Variants in KCNQ4 observed in about 807,000 individuals in gnomAD.
KCNQ4 encodes the protein potassium voltage-gated channel subfamily Q member 4, also known as potassium voltage-gated channel subfamily KQT member 4.
A neutral mutation model predicts 72.6 loss-of-function variants in KCNQ4; 31 were observed. The observed-to-expected ratio is 0.43, with a 90% CI of 0.32 to 0.58. KCNQ4 has a LOEUF of 0.58. Among genes scored for constraint, KCNQ4 ranks in the 20% least tolerant of loss-of-function variants. The probability of loss-of-function intolerance (pLI) is 0.08; values close to 1 mark genes in which losing one functional copy is unlikely to be tolerated. For missense variants in KCNQ4, 869 were observed against 962.6 expected (o/e 0.90, Z 1.29); for synonymous variants, 405 against 403.7 (o/e 1.00, Z -0.04).
chr1:40,791,774 A>G (rs1191835784), intron 1 of KCNQ4, among the ~76,000 whole-genome samples: 2 of 152,196 alleles, frequency 1.3e-5, no homozygotes, highest in Non-Finnish European at 2.9e-5. Context: ...ACTGGAGGAA[A>G]GCTCACTGGA....
At chr1:40,816,249 T>C (rs555647286) in intron 1 of KCNQ4, among the ~76,000 whole-genome samples, 20 of 152,230 alleles carry the variant, frequency 1.3e-4, no homozygotes, top group African/African-American at 3.9e-4. Context: ...CTCCAGGGTG[T>C]GTGCATGTTC....
intron 1 of KCNQ4, among the ~76,000 whole-genome samples, chr1:40,793,688 A>G (rs1237485256): frequency 1.3e-5 from 2 of 152,096 alleles, no homozygotes; most frequent in African/African-American, 2.4e-5. Context: ...TCACCTAAGA[A>G]ATGACTTACA....
chr1:40,819,170 TGCTGGCGG>T (rs1648199653), intron 4 of KCNQ4, among the ~76,000 whole-genome samples, 169 bp from the exon 5 acceptor site: 1 of 134,894 alleles, frequency 7.4e-6, no homozygotes, highest in African/African-American at 2.8e-5. Flanking sequence ...GTAGGGGGAG[TGCTGGCGG>T]TTTCGCGAAG....
chr1:40,837,715 A>G lies in KCNQ4; in HGVS notation c.1796A>G (p.Lys599Arg), dbSNP rs1462010485. 6.2e-7 allele frequency: 1 copy of G among 1,613,412 alleles called. No individual in the cohort carries two copies. The highest frequency in any genetic ancestry group is 8.5e-7 in the Non-Finnish European group (1 of 1,179,792). ...RGPGDRKAREKGDKGPSDAEV... is the reference protein window; with the variant it reads ...RGPGDRKARERGDKGPSDAEV... ...CCCGGGGACAGGAAGGCCCGGGAGA[A>G]GGGCGACAAGGGGCCCTCCGACGCG... The change falls in exon 13 of 14, where the codon AAG becomes AGG. Residue 599 changes from lysine to arginine, a missense_variant. This residue lies in a region of KCNQ4 where 480 missense variants were observed against 501.9 expected (regional missense o/e 0.96). Coordinates refer to ENST00000347132, the MANE Select transcript of KCNQ4 (RefSeq NM_004700.4).
At chr1:40,832,195 C>G (rs1648671548) in intron 10 of KCNQ4, among the ~76,000 whole-genome samples, 1 of 152,216 alleles carries the variant, frequency 6.6e-6, no homozygotes, top group Non-Finnish European at 1.5e-5. Flanking sequence ...CTTTAGGCCC[C>G]TGGGTGGGGA....
rs1353222298 is a variant in KCNQ4 at position 40,818,592 on chromosome 1, G to A, written c.620G>A (p.Arg207His). ...IFATSALRSM[R>H]FLQILRMVRM... ...GCCACGTCCGCGCTGCGCAGCATGC[G>A]CTTCCTGCAGATCCTGCGCATGGTG... is the stretch of plus-strand genomic sequence containing the variant. Residue 207 changes from arginine to histidine, a missense_variant, in exon 4 of 14, where the codon CGC (arginine) becomes CAC (histidine). Arg to His is a conservative substitution (Grantham distance 29). Around this residue, in one of 5 missense-constraint regions of KCNQ4, gnomAD observed 179 missense variants for 243.0 expected, o/e 0.74. Coordinates refer to ENST00000347132, the MANE Select transcript of KCNQ4 (RefSeq NM_004700.4). The A allele has an allele frequency of 6.2e-7, 1 of 1,606,416 alleles. No homozygotes were observed. Among genetic ancestry groups the A allele is most frequent in the South Asian group, 1.1e-5 (1 of 91,056 alleles).
intron 8 of KCNQ4, 85 bp from the exon 9 acceptor site, chr1:40,824,012 A>C: frequency 6.8e-7 from 1 of 1,478,384 alleles, no homozygotes; most frequent in Non-Finnish European, 9.2e-7. Flanking sequence ...ACCTGGCAAG[A>C]TCTGAGCTCA....
chr1:40,794,794 C>T lies in KCNQ4; in HGVS notation c.314+10387C>T, dbSNP rs1038009549. On this transcript the variant is annotated intron_variant, in intron 1 of 13. Transcript: ENST00000347132. The surrounding 1 kb of genome is among the most constrained non-coding windows in gnomAD (Gnocchi z 4.2). The stretch of plus-strand genomic sequence containing the variant: ...CCCAAAGTGTTTTTGGAAATTTTAC[C>T]GGTGGTGCGTGAAATCCCTGAGTCT... Among the ~76,000 whole-genome samples the T allele has an allele frequency of 4.6e-5, 7 of 152,100 alleles. No homozygotes were observed. The highest frequency in any genetic ancestry group is 4.1e-4 in the South Asian group (2 of 4,830).
At chr1:40,806,016 T>C (rs1321612916) in intron 1 of KCNQ4, among the ~76,000 whole-genome samples, 2 of 152,172 alleles carry the variant, frequency 1.3e-5, no homozygotes, top group African/African-American at 4.8e-5. Flanking sequence ...TAAGTTTTTG[T>C]ATTTTTAGTA....
At chr1:40,796,610 T>C (rs1400966384) in intron 1 of KCNQ4, among the ~76,000 whole-genome samples, 1 of 152,064 alleles carries the variant, frequency 6.6e-6, no homozygotes, top group East Asian at 1.9e-4. Flanking sequence ...TTAGGAGAAG[T>C]TGAGCCTTAA....
intron 13 of KCNQ4, 21 bp downstream of exon 13, chr1:40,837,815 C>A: frequency 1.3e-6 from 2 of 1,596,334 alleles, no homozygotes; most frequent in East Asian, 4.5e-5. Context: ...GATGGGGTGG[C>A]GGAGCTGGCC....
chr1:40,796,466 A>G (rs113244056), intron 1 of KCNQ4, among the ~76,000 whole-genome samples: 7 of 152,284 alleles, frequency 4.6e-5, no homozygotes, highest in African/African-American at 1.7e-4. Context: ...TGAGGCACAA[A>G]GAGGTTACGT....
intron 1 of KCNQ4, among the ~76,000 whole-genome samples, chr1:40,786,369 C>T (rs189335999): frequency 6.6e-6 from 1 of 152,318 alleles, no homozygotes; most frequent in East Asian, 1.9e-4. Flanking sequence ...GTTGGTGCCT[C>T]CTTTGAAAGG....
chr1:40,796,171 C>T (rs1029170855), intron 1 of KCNQ4, among the ~76,000 whole-genome samples: 33 of 151,550 alleles, frequency 2.2e-4, no homozygotes, highest in Non-Finnish European at 2.4e-4. Flanking sequence ...GGTGGGGGGC[C>T]GAGGGGGTAA....
chr1:40,837,069 A>ATCTTTTCTTTTCTTT (rs143786917), intron 12 of KCNQ4, among the ~76,000 whole-genome samples: 4 of 143,796 alleles, frequency 2.8e-5, no homozygotes, highest in African/African-American at 8.0e-5. Flanking sequence ...TCCCCAATCC[A>ATCTTTTCTTTTCTTT]TCTTTTCTTT....
Position 40,794,193 on chromosome 1 carries a change from C to A in KCNQ4, c.314+9786C>A, listed in dbSNP as rs1031112584. On this transcript the variant is annotated intron_variant, in intron 1 of 13. Coordinates refer to ENST00000347132, the MANE Select transcript of KCNQ4 (RefSeq NM_004700.4). The surrounding 1 kb of genome is among the most constrained non-coding windows in gnomAD (Gnocchi z 4.2). ...GAGCAAAGGCCTTGAGATGGGACTT[C>A]CTTCCCCTCACTCCTTTGCCCCAAG... 1.3e-5 allele frequency among the ~76,000 whole-genome samples: 2 copies of A among 152,266 alleles called. No homozygotes were observed. Among genetic ancestry groups the A allele is most frequent in the Admixed American group, 6.5e-5 (1 of 15,296 alleles).
rs1453922510 is a variant in KCNQ4, at chr1:40,794,449, C to T, written c.314+10042C>T. On this transcript the variant is annotated intron_variant, in intron 1 of 13. Coordinates refer to ENST00000347132, the MANE Select transcript of KCNQ4 (RefSeq NM_004700.4). The surrounding 1 kb of genome is among the most constrained non-coding windows in gnomAD (Gnocchi z 4.2). Reference sequence around the variant, plus strand: ...ATTTTGCAGACAAGAAACTGGGGCTCAAAGAAGAGAAACACCACATACTAA... The same window carrying T: ...ATTTTGCAGACAAGAAACTGGGGCTTAAAGAAGAGAAACACCACATACTAA... 2.0e-5 allele frequency among the ~76,000 whole-genome samples: 3 copies of T among 152,160 alleles called. No homozygotes were observed. The highest frequency in any genetic ancestry group is 7.2e-5 in the African/African-American group (3 of 41,432).
chr1:40,819,812 C>A, intron 5 of KCNQ4, 63 bp from the exon 6 acceptor site: 2 of 1,310,472 alleles, frequency 1.5e-6, no homozygotes, highest in Non-Finnish European at 2.2e-6. Flanking sequence ...CCTGCCTGTA[C>A]CCCCAACAAG....
intron 1 of KCNQ4, among the ~76,000 whole-genome samples, chr1:40,799,994 A>G (rs1024763843): frequency 3.9e-5 from 6 of 152,192 alleles, no homozygotes. Context: ...ATGCCAGCCT[A>G]TATGGCCCTG....
Sources: gnomAD v4.1 joint callset for allele counts (sites outside exome capture counted in the v4.1 genomes callset) on GRCh38, gnomAD v4.1.1 for gene constraint, gnomAD v4.1.1 regional missense constraint, Gnocchi (gnomAD v3.1) non-coding constraint, MANE v1.5 for transcripts, NCBI Gene and HGNC (gene_info 2026-07-23, HGNC 2026-07-21) for gene names.